CDNF: variants seen among roughly 807,000 people sequenced by gnomAD.
CDNF encodes ARMET-like protein 1.
CDNF carries 9 observed loss-of-function variants against 14.8 expected under a neutral mutation model. The observed-to-expected ratio is 0.61, with a 90% CI of 0.37 to 1.06. CDNF has a LOEUF of 1.06. Among genes scored for constraint, CDNF ranks in the 50% least tolerant of loss-of-function variants. The probability of loss-of-function intolerance (pLI) is 0.01; values close to 1 mark genes in which losing one functional copy is unlikely to be tolerated. For synonymous variants in CDNF, 86 were observed against 87.2 expected (o/e 0.99, Z 0.07); for missense variants, 228 against 228.4 (o/e 1.00, Z 0.01).
At chr10:14,826,029 GAGAAGAAGAAGAAGA>G (rs57619992) in intron 2 of CDNF, among the ~76,000 whole-genome samples, 1,479 of 86,152 alleles carry the variant, frequency 0.017, 14 homozygotes, top group South Asian at 0.019. Context: ...GAAGAAGAAG[GAGAAGAAGAAGAAGA>G]AGAAGAAGAA....
intron 1 of CDNF, chr10:14,836,236 G>A (rs143692887): frequency 5.7e-4 from 87 of 152,294 alleles, no homozygotes; most frequent in African/African-American, 2.0e-3. Context: ...TGCAGAATCT[G>A]GTTCTTTTAG....
chr10:14,825,661 A>C (rs776066387), intron 2 of CDNF, 41 bp from the exon 3 acceptor site: 20 of 1,598,970 alleles, frequency 1.3e-5, no homozygotes, highest in Non-Finnish European at 1.5e-5. Context: ...CAGACAATGA[A>C]GACATTCAGT....
intron 1 of CDNF, among the ~76,000 whole-genome samples, chr10:14,837,478 C>T (rs975725669): frequency 2.0e-5 from 3 of 152,222 alleles, no homozygotes; most frequent in Non-Finnish European, 4.4e-5. Flanking sequence ...TGAAAGACGT[C>T]TTCTGTGCAA....
At chr10:14,836,846 G>A (rs920164246) in intron 1 of CDNF, among the ~76,000 whole-genome samples, 1 of 152,148 alleles carries the variant, frequency 6.6e-6, no homozygotes, top group African/African-American at 2.4e-5. Flanking sequence ...CAGGAGAATC[G>A]CTGGAACCCG....
intron 2 of CDNF, among the ~76,000 whole-genome samples, chr10:14,827,711 G>T (rs1471410875): frequency 6.6e-6 from 1 of 151,966 alleles, no homozygotes; most frequent in African/African-American, 2.4e-5. Flanking sequence ...TGGCCAACAT[G>T]GTGAATCCCT....
chr10:14,825,758 G>A (rs1175521702), intron 2 of CDNF, 138 bp from the exon 3 acceptor site: 4 of 833,942 alleles, frequency 4.8e-6, no homozygotes, highest in Non-Finnish European at 7.6e-6. Context: ...CAGCACTTTG[G>A]GAGGTTGAGG....
intron 1 of CDNF, among the ~76,000 whole-genome samples, chr10:14,836,899 C>T (rs748662674): frequency 1.6e-4 from 24 of 152,112 alleles, no homozygotes; most frequent in Non-Finnish European, 2.8e-4. Context: ...CACTGTACTC[C>T]GGCCTGGGCA....
At chr10:14,828,320 CA>C in intron 1 of CDNF, 48 bp from the exon 2 acceptor site, 1 of 1,588,610 alleles carries the variant, frequency 6.3e-7, no homozygotes, top group East Asian at 2.2e-5. Flanking sequence ...TAACCACTAC[CA>C]CACCTATGCA....
intron 3 of CDNF, among the ~76,000 whole-genome samples, chr10:14,823,427 C>T (rs1352947716): frequency 6.6e-6 from 1 of 152,054 alleles, no homozygotes; most frequent in Non-Finnish European, 1.5e-5. Flanking sequence ...TTTAAGGAGC[C>T]CTGTAAGATC....
At chr10:14,821,321 G>A (rs896505266) in intron 3 of CDNF, among the ~76,000 whole-genome samples, 7 of 151,980 alleles carry the variant, frequency 4.6e-5, no homozygotes, top group Admixed American at 1.3e-4. Context: ...ACAGGGTTTC[G>A]CCATGTTGGC....
rs751651711 is a variant in CDNF at position 14,819,986 on chromosome 10, C to A, written c.558G>T (p.Glu186Asp). The stretch of plus-strand genomic sequence containing the variant: ...AATGTGCTGGCATTGGAGATCAGAG[C>A]TCTGTTTTGGGGTGTGTCGCTGCAT... ...PKYAATHPKT[E>D]L Residue 186 changes from glutamate (E) to aspartate (D), a missense_variant, in exon 4 of 4, where the codon GAG becomes GAT. Physicochemically the swap from Glu to Asp is conservative, Grantham distance 45. Coordinates refer to ENST00000465530, the MANE Select transcript of CDNF (RefSeq NM_001029954.3). The A allele has an allele frequency of 6.2e-6, 10 of 1,612,458 alleles. No individual in the cohort carries two copies. Among genetic ancestry groups the A allele is most frequent in the Middle Eastern group, 1.7e-4 (1 of 5,842 alleles).
intron 2 of CDNF, among the ~76,000 whole-genome samples, chr10:14,826,032 A>AAGG (rs1244755400): frequency 0.011 from 460 of 41,926 alleles, 6 homozygotes; most frequent in African/African-American, 0.024. Context: ...GAAGAAGGAG[A>AAGG]AGAAGAAGAA....
At chr10:14,832,688 C>T (rs1833853446) in intron 1 of CDNF, among the ~76,000 whole-genome samples, 1 of 151,982 alleles carries the variant, frequency 6.6e-6, no homozygotes, top group South Asian at 2.1e-4. Context: ...ACTAATAAGC[C>T]AGATGTAATG....
intron 2 of CDNF, among the ~76,000 whole-genome samples, chr10:14,826,069 A>AGAG (rs1427848424): frequency 7.1e-6 from 1 of 141,118 alleles, no homozygotes; most frequent in Non-Finnish European, 1.5e-5. Context: ...AAGAAGAAGA[A>AGAG]GAAGAAGAAG....
At position 14,828,084 on chromosome 10, in the gene CDNF, T is replaced by G. The variant is rs774941805; in HGVS notation, c.243+61A>C. 30 of 1,560,866 alleles carry G rather than the reference T, an allele frequency of 1.9e-5. 1 individual carries two copies. The highest frequency in any genetic ancestry group is 1.9e-5 in the Non-Finnish European group (22 of 1,138,764). ...GTAGGAGGACTTCACGTCTAAGAAATGAAACTATTAGCAGTATTCTTCAAG... is the reference window on the plus strand; with the variant it reads ...GTAGGAGGACTTCACGTCTAAGAAAGGAAACTATTAGCAGTATTCTTCAAG... On this transcript the variant is annotated intron_variant, in intron 2 of 3. Transcript: ENST00000465530.
Position 14,825,589 on chromosome 10 carries a change from G to A in CDNF, c.275C>T (p.Ala92Val). The change falls in exon 3 of 4, where the codon GCC becomes GTC. Residue 92 changes from alanine (A) to valine (V), a missense_variant. By Grantham distance (64) the Ala-to-Val change is moderately conservative (BLOSUM62 0). Transcript: ENST00000465530. The part of the protein sequence containing the change: ...CYYLGATKDA[A>V]TKILSEVTRP... Reference sequence around the variant, plus strand: ...AGTGACTTCACTTAGGATCTTTGTGGCTGCGTCTTTTGTGGCTCCTAGATA... The same window carrying A: ...AGTGACTTCACTTAGGATCTTTGTGACTGCGTCTTTTGTGGCTCCTAGATA... 3 of 1,614,032 alleles carry A rather than the reference G, an allele frequency of 1.9e-6. No individual in the cohort carries two copies. Among genetic ancestry groups the A allele is most frequent in the Non-Finnish European group, 2.5e-6 (3 of 1,179,982 alleles).
Position 14,825,610 on chromosome 10 carries a change from A to G in CDNF, c.254T>C (p.Leu85Pro), listed in dbSNP as rs142592274. 236 of 1,613,828 alleles carry G rather than the reference A, an allele frequency of 1.5e-4. No homozygotes were observed. Among genetic ancestry groups the G allele is most frequent in the Non-Finnish European group, 2.0e-4 (231 of 1,179,936 alleles). The stretch of plus-strand genomic sequence containing the variant: ...TGTGGCTGCGTCTTTTGTGGCTCCT[A>G]GATAATAGCACTGAAGGAAAATGAA... ...KGKENRLCYY[L>P]GATKDAATKI... The change falls in exon 3 of 4, where the codon CTA (leucine) becomes CCA (proline). Residue 85 changes from leucine (L) to proline (P), a missense_variant. Physicochemically the swap from Leu to Pro is moderately conservative, Grantham distance 98 (BLOSUM62 -3). Transcript: ENST00000465530.
At chr10:14,823,701 T>C (rs1403726528) in intron 3 of CDNF, among the ~76,000 whole-genome samples, 1 of 152,168 alleles carries the variant, frequency 6.6e-6, no homozygotes, top group Non-Finnish European at 1.5e-5. Context: ...CTAATTTTTG[T>C]ATTTTTGTAG....
intron 1 of CDNF, among the ~76,000 whole-genome samples, chr10:14,832,926 T>C (rs1231963494): frequency 6.7e-6 from 1 of 150,206 alleles, no homozygotes; most frequent in Non-Finnish European, 1.5e-5. Context: ...GCGGTGCCAT[T>C]TCGGCTCACT....
Sources: gnomAD v4.1 joint callset for allele counts (sites outside exome capture counted in the v4.1 genomes callset) on GRCh38, gnomAD v4.1.1 for gene constraint, MANE v1.5 for transcripts, NCBI Gene and HGNC (gene_info 2026-07-23, HGNC 2026-07-21) for gene names.